CDKN2AIPNL: variants seen among roughly 807,000 people sequenced by gnomAD.
CDKN2AIPNL encodes CDKN2AIP N-terminal-like protein.
A neutral mutation model predicts 12.9 loss-of-function variants in CDKN2AIPNL; 9 were observed. The ratio of observed to expected loss-of-function variants is 0.70; its 90% confidence interval spans 0.42 to 1.22. The LOEUF is 1.22. CDKN2AIPNL is among the 50% of genes most tolerant of loss of function. The pLI is 0.00. For synonymous variants in CDKN2AIPNL, 53 were observed against 61.7 expected, an observed-to-expected ratio of 0.86 and a Z score of 0.66; for missense variants, 143 against 153.6, an observed-to-expected ratio of 0.93 and a Z score of 0.37.
chr5:134,403,150 C>A (rs1270878589), intron 2 of CDKN2AIPNL, among the ~76,000 whole-genome samples: 1 of 152,212 alleles, frequency 6.6e-6, no homozygotes, highest in Non-Finnish European at 1.5e-5. Flanking sequence ...TTGTCACTTG[C>A]AATCTATAAA....
chr5:134,406,319 A>AT (rs1285632525), intron 2 of CDKN2AIPNL, among the ~76,000 whole-genome samples: 2 of 152,156 alleles, frequency 1.3e-5, no homozygotes, highest in Non-Finnish European at 1.5e-5. Flanking sequence ...CTAAACTCTA[A>AT]TTTTTTAGCT....
At position 134,411,756 on chromosome 5, in the gene CDKN2AIPNL, G is replaced by T; in HGVS notation, c.99C>A (p.Ser33Arg). The T allele has an allele frequency of 6.2e-7, 1 of 1,612,180 alleles. No individual in the cohort carries two copies. Among genetic ancestry groups the T allele is most frequent in the South Asian group, 1.1e-5 (1 of 90,748 alleles). Residue 33 changes from serine (S) to arginine (R), a missense_variant, in exon 1 of 3, where the codon AGC becomes AGA. Physicochemically the swap from Ser to Arg is moderately radical, Grantham distance 110. Coordinates refer to ENST00000458198, the MANE Select transcript of CDKN2AIPNL (RefSeq NM_080656.3). ...FAEQFRSYSE[S>R]EKQWKARMEF... is the part of the protein sequence containing the mutation. ...CCATGCGGGCCTTCCATTGCTTCTC[G>T]CTCTCTGAGTAGGAGCGGAACTGCT...
intron 2 of CDKN2AIPNL, among the ~76,000 whole-genome samples, chr5:134,408,798 C>T (rs898421394): frequency 2.0e-5 from 3 of 152,150 alleles, no homozygotes; most frequent in Admixed American, 6.6e-5. Flanking sequence ...AATAGCATCT[C>T]GAAAACCAAC....
Position 134,411,616 on chromosome 5 carries a change from C to A in CDKN2AIPNL, c.239G>T (p.Ser80Ile). Reference sequence around the variant, plus strand: ...TCAGCCGGCCGGCAGGGGTCCGCACCTGCAGCCTAGGAAGAGATGGTTGGC... The same window carrying A: ...TCAGCCGGCCGGCAGGGGTCCGCACATGCAGCCTAGGAAGAGATGGTTGGC... ...VWANHLFLGC[S>I]YNKDLLDKVM... The change falls in exon 1 of 3, where the codon AGT becomes ATT. Residue 80 changes from serine to isoleucine, a missense_variant and splice_region_variant. Coordinates refer to ENST00000458198, the MANE Select transcript of CDKN2AIPNL (RefSeq NM_080656.3). 6.2e-7 allele frequency: 1 copy of A among 1,611,494 alleles called. No individual in the cohort carries two copies.
In CDKN2AIPNL at chr5:134,402,288, C is replaced by T. The variant is rs1357656954; in HGVS notation, c.*627G>A. On this transcript the variant is annotated 3_prime_UTR_variant, in exon 3 of 3. Coordinates refer to ENST00000458198, the MANE Select transcript of CDKN2AIPNL (RefSeq NM_080656.3). ...ATTTTGTTTGTATTTTTAGTAGAGA[C>T]GGGGTTTCATCGTGTTGGCCAGGCT... is the stretch of plus-strand genomic sequence containing the variant. 2 of 151,862 alleles carry T rather than the reference C, an allele frequency of 1.3e-5. No homozygotes were observed. Among genetic ancestry groups the T allele is most frequent in the Non-Finnish European group, 2.9e-5 (2 of 68,036 alleles). The allele number at this position is 151,862 out of a possible 1,614,324, so 9.4% of individuals were successfully genotyped here. A position where few individuals can be genotyped will look rare whatever the true frequency, so the allele number is the denominator to read the frequency against.
chr5:134,403,964 C>G (rs1296512646), intron 2 of CDKN2AIPNL, among the ~76,000 whole-genome samples: 1 of 152,160 alleles, frequency 6.6e-6, no homozygotes, highest in East Asian at 1.9e-4. Context: ...AATTCCTCAG[C>G]AAAAGCAAAT....
At position 134,404,628 on chromosome 5, in the gene CDKN2AIPNL, ATTT is replaced by A. The variant is rs113061543; in HGVS notation, c.340-1705_340-1703del. The stretch of plus-strand genomic sequence containing the variant: ...CAGGCAGAGCCACTGGGCTAGGCTG[ATTT>A]TTTTTTTTTTTTTAATACTCACCAA... On this transcript the variant is annotated intron_variant, in intron 2 of 2. Coordinates refer to ENST00000458198, the MANE Select transcript of CDKN2AIPNL (RefSeq NM_080656.3). Among the ~76,000 whole-genome samples, 5 of 138,342 alleles carry A rather than the reference ATTT, an allele frequency of 3.6e-5. 1 individual carries two copies. Among genetic ancestry groups the A allele is most frequent in the South Asian group, 4.7e-4 (2 of 4,286 alleles). The allele number at this position is 138,342 out of a possible 152,430, so 90.8% of individuals were successfully genotyped here.
chr5:134,410,785 G>A, intron 1 of CDKN2AIPNL: 3 of 546,506 alleles, frequency 5.5e-6, no homozygotes, highest in Non-Finnish European at 9.8e-6. Context: ...GGGGCCAAAT[G>A]ACCAGAGTCA....
intron 2 of CDKN2AIPNL, 39 bp from the exon 3 acceptor site, chr5:134,402,965 A>C: frequency 6.3e-7 from 1 of 1,575,752 alleles, no homozygotes; most frequent in Non-Finnish European, 8.6e-7. Flanking sequence ...ATAACCATGT[A>C]GTCCAGTGAA....
intron 2 of CDKN2AIPNL, among the ~76,000 whole-genome samples, chr5:134,407,911 A>G (rs1168447415): frequency 6.6e-6 from 1 of 152,074 alleles, no homozygotes; most frequent in Non-Finnish European, 1.5e-5. Context: ...TGGGCAGATC[A>G]CTTGAGGCCA....
At chr5:134,404,756 C>T (rs1345725543) in intron 2 of CDKN2AIPNL, among the ~76,000 whole-genome samples, 2 of 152,144 alleles carry the variant, frequency 1.3e-5, no homozygotes, top group Non-Finnish European at 2.9e-5. Context: ...AAAGCAGGCA[C>T]ACTTGTTTTT....
intron 2 of CDKN2AIPNL, among the ~76,000 whole-genome samples, chr5:134,405,687 T>A (rs1430462056): frequency 6.6e-6 from 1 of 152,134 alleles, no homozygotes; most frequent in Non-Finnish European, 1.5e-5. Context: ...AGTGTTAGGA[T>A]TACAGGCATG....
intron 2 of CDKN2AIPNL, among the ~76,000 whole-genome samples, chr5:134,405,066 T>C (rs1381269833): frequency 6.6e-6 from 1 of 151,966 alleles, no homozygotes; most frequent in Non-Finnish European, 1.5e-5. Context: ...ATTATAGGCA[T>C]GAGCCACTGC....
intron 2 of CDKN2AIPNL, among the ~76,000 whole-genome samples, chr5:134,408,004 G>A (rs180785742): frequency 2.0e-5 from 3 of 152,010 alleles, no homozygotes; most frequent in Admixed American, 6.6e-5. Context: ...GGTGGCACCC[G>A]GCTGTAATCC....
rs1445781716 is a variant in CDKN2AIPNL, at chr5:134,411,815, C to T, written c.40G>A (p.Val14Ile). The change falls in exon 1 of 3, where the codon GTT (valine) becomes ATT (isoleucine). Residue 14 changes from valine to isoleucine, a missense_variant. Val to Ile is a conservative substitution (Grantham distance 29). Coordinates refer to ENST00000458198, the MANE Select transcript of CDKN2AIPNL (RefSeq NM_080656.3). ...GEAAAAVEEL[V>I]SGVRQAADFA... ...TCGGCCGCCTGCCGCACCCCCGAAA[C>T]CAGCTCCTCCACTGCGGCAGCCGCC... 22 of 1,598,674 alleles carry T rather than the reference C, an allele frequency of 1.4e-5. No homozygotes were observed. The highest frequency in any genetic ancestry group is 1.8e-5 in the Non-Finnish European group (21 of 1,173,744).
chr5:134,409,567 G>GTTAGTTACTC (rs200035643), intron 2 of CDKN2AIPNL, among the ~76,000 whole-genome samples: 2,008 of 152,272 alleles, frequency 0.013, 28 homozygotes, highest in African/African-American at 0.043. Flanking sequence ...GTAAGGATGA[G>GTTAGTTACTC]TCTTACCAAT....
At chr5:134,410,903 AC>A (rs1759181540) in intron 1 of CDKN2AIPNL, 19 of 645,040 alleles carry the variant, frequency 2.9e-5, no homozygotes, top group Middle Eastern at 4.1e-4. Flanking sequence ...AAGATTTGCC[AC>A]CTTCCTCATG....
intron 1 of CDKN2AIPNL, chr5:134,410,862 G>A: frequency 1.7e-6 from 1 of 601,726 alleles, no homozygotes; most frequent in Non-Finnish European, 3.0e-6. Flanking sequence ...CACAATTTCA[G>A]GAAAATCGAA....
chr5:134,404,123 G>A (rs1435073341), intron 2 of CDKN2AIPNL, among the ~76,000 whole-genome samples: 1 of 152,214 alleles, frequency 6.6e-6, no homozygotes, highest in African/African-American at 2.4e-5. Context: ...GGTTTGGGCT[G>A]CTGTGTATAC....
Sources: gnomAD v4.1 joint callset for allele counts (sites outside exome capture counted in the v4.1 genomes callset) on GRCh38, gnomAD v4.1.1 for gene constraint, MANE v1.5 for transcripts, NCBI Gene and HGNC (gene_info 2026-07-23, HGNC 2026-07-21) for gene names.